NLK: variants seen among roughly 807,000 people sequenced by gnomAD.
NLK encodes the protein serine/threonine-protein kinase NLK.
In NLK, 11 loss-of-function variants were observed where a neutral mutation model predicts 59.0. That is an observed-to-expected ratio of 0.19 (90% CI 0.12 to 0.31). The LOEUF (loss-of-function observed/expected upper bound fraction) is 0.31. Among genes scored for constraint, NLK ranks in the 10% least tolerant of loss-of-function variants. NLK has a pLI of 1.00. For synonymous variants in NLK, 235 were observed against 235.9 expected, an observed-to-expected ratio of 1.00 and a Z score of 0.03; for missense variants, 410 against 661.1, an observed-to-expected ratio of 0.62 and a Z score of 4.16.
chr17:28,068,453 T>A (rs1328306929), intron 1 of NLK, among the ~76,000 whole-genome samples: 1 of 152,194 alleles, frequency 6.6e-6, no homozygotes, highest in Non-Finnish European at 1.5e-5. Context: ...AAAATGATAT[T>A]TGTTTTTAGG....
At chr17:28,164,965 C>T (rs1005137306) in intron 5 of NLK, among the ~76,000 whole-genome samples, 31 of 152,086 alleles carry the variant, frequency 2.0e-4, no homozygotes, top group African/African-American at 7.5e-4. Context: ...AACCCTCACC[C>T]TTATTTTAAC....
chr17:28,082,665 T>A (rs1317865633), intron 1 of NLK, among the ~76,000 whole-genome samples: 3 of 152,326 alleles, frequency 2.0e-5, no homozygotes, highest in Middle Eastern at 3.4e-3. Flanking sequence ...AAGAGCAGAA[T>A]TTAATGTTGA....
intron 6 of NLK, chr17:28,171,399 T>C (rs537053499): frequency 2.6e-5 from 4 of 152,322 alleles, no homozygotes; most frequent in Admixed American, 2.6e-4. Flanking sequence ...AATTAGGTTA[T>C]GAAGTTAGAA....
chr17:28,199,855 C>G (rs935080231), downstream of NLK, among the ~76,000 whole-genome samples: 1 of 152,020 alleles, frequency 6.6e-6, no homozygotes, highest in Non-Finnish European at 1.5e-5. Flanking sequence ...GATGGAAATA[C>G]AAAGAAATCA....
At chr17:28,181,968 C>A (rs1463407275) in intron 7 of NLK, among the ~76,000 whole-genome samples, 3 of 152,108 alleles carry the variant, frequency 2.0e-5, no homozygotes, top group African/African-American at 7.3e-5. Flanking sequence ...TGAGATCGCA[C>A]CATTGCGCTC....
chr17:28,057,363 G>A (rs539938305), intron 1 of NLK, among the ~76,000 whole-genome samples: 1 of 152,296 alleles, frequency 6.6e-6, no homozygotes, highest in East Asian at 1.9e-4. Context: ...TCAACTCACT[G>A]TTCCATGTAA....
chr17:28,074,474 C>CT (rs1436930839), intron 1 of NLK, among the ~76,000 whole-genome samples: 13 of 152,128 alleles, frequency 8.5e-5, no homozygotes, highest in African/African-American at 3.1e-4. Flanking sequence ...GAGAGGTTTC[C>CT]TAAATGACCT....
In NLK at chr17:28,111,869, TGTGTGTGTGTGTGTGTGTGTGTGTGTG is replaced by T. The variant is rs1385800845; in HGVS notation, c.459-10706_459-10680del. Reference sequence around the variant, plus strand: ...GCTAATAAGGCTTATACCGTGTGTGTGTGTGTGTGTGTGTGTGTGTGTGTGTGGTGTGTGTGTGTGTGTGTGTGTGTG... The same window carrying T: ...GCTAATAAGGCTTATACCGTGTGTGTGTGTGTGTGTGTGTGTGTGTGTGTG... On this transcript the variant is annotated intron_variant, in intron 1 of 10. Coordinates refer to ENST00000407008, the MANE Select transcript of NLK (RefSeq NM_016231.5). 3.2e-4 allele frequency among the ~76,000 whole-genome samples: 39 copies of T among 121,480 alleles called. No individual in the cohort carries two copies. In the East Asian group the frequency reaches 8.7e-3, roughly 27 times the overall value. The allele number at this position is 121,480 out of a possible 152,430, so 79.7% of individuals were successfully genotyped here.
intron 1 of NLK, among the ~76,000 whole-genome samples, chr17:28,098,513 C>T (rs187226211): frequency 1.4e-3 from 212 of 152,164 alleles, no homozygotes; most frequent in African/African-American, 4.5e-3. Context: ...AGAAAACTGA[C>T]ATTGAGTACG....
chr17:28,177,166 G>A (rs1325822411), intron 7 of NLK, among the ~76,000 whole-genome samples: 3 of 152,108 alleles, frequency 2.0e-5, no homozygotes, highest in Non-Finnish European at 4.4e-5. Context: ...AGAGGCGAAA[G>A]TGGTGGAGGA....
chr17:28,178,494 A>G (rs938849578), intron 7 of NLK, among the ~76,000 whole-genome samples: 3 of 152,230 alleles, frequency 2.0e-5, no homozygotes, highest in African/African-American at 7.2e-5. Flanking sequence ...CCACGTATCT[A>G]TTAAAGAAGA....
chr17:28,205,368 GA>G, the NLK span, among the ~76,000 whole-genome samples: 1 of 152,162 alleles, frequency 6.6e-6, no homozygotes, highest in Admixed American at 6.6e-5. Flanking sequence ...TGTGGATCAG[GA>G]ACTCAGCAGA....
At position 28,172,531 on chromosome 17, in the gene NLK, G is replaced by A. The variant is rs376443057; in HGVS notation, c.1062G>A (p.Thr354=). Reference sequence around the variant, plus strand: ...TTTCCTTGTAGTTGGATTTGATCACGGATCTGTTGGGCACACCATCACTGG... The same window carrying A: ...TTTCCTTGTAGTTGGATTTGATCACAGATCTGTTGGGCACACCATCACTGG... ...QSPIQQLDLI[T]DLLGTPSLEA... Residue 354 remains threonine, a synonymous_variant, in exon 7 of 11, where the codon ACG becomes ACA. Transcript: ENST00000407008. The A allele has an allele frequency of 3.7e-5, 59 of 1,576,060 alleles. No homozygotes were observed. The highest frequency in any genetic ancestry group is 2.6e-4 in the South Asian group (22 of 85,012).
intron 1 of NLK, among the ~76,000 whole-genome samples, chr17:28,080,338 G>A (rs924432327): frequency 2.0e-5 from 3 of 152,022 alleles, no homozygotes; most frequent in African/African-American, 7.2e-5. Context: ...CCAGCACTTT[G>A]GGAGGTTGAA....
rs745934337 is a variant in NLK, at chr17:28,194,578, C to T, written c.1530-4C>T. On this transcript the variant is annotated splice_polypyrimidine_tract_variant and splice_region_variant and intron_variant, in intron 10 of 10. Transcript: ENST00000407008. ...CTAATTTCTCCATCTCTGTTTTCTT[C>T]CAGTTCCACTGTTGCTCAGCCATCT... is the stretch of plus-strand genomic sequence containing the variant. 1 of 1,592,504 alleles carries T rather than the reference C, an allele frequency of 6.3e-7. No homozygotes were observed. Among genetic ancestry groups the T allele is most frequent in the East Asian group, 2.2e-5 (1 of 44,572 alleles).
chr17:28,149,146 G>A (rs955848816), intron 3 of NLK, among the ~76,000 whole-genome samples: 37 of 152,088 alleles, frequency 2.4e-4, no homozygotes, highest in East Asian at 5.8e-4. Flanking sequence ...CTGCAGCCTC[G>A]AACTCCTGGG....
intron 3 of NLK, among the ~76,000 whole-genome samples, chr17:28,159,750 A>G (rs1337830992): frequency 6.6e-6 from 1 of 152,208 alleles, no homozygotes; most frequent in Non-Finnish European, 1.5e-5. Context: ...AAATGTCAGT[A>G]TATAGGCAAA....
chr17:28,153,537 A>G (rs1907575121), intron 3 of NLK, among the ~76,000 whole-genome samples: 1 of 152,210 alleles, frequency 6.6e-6, no homozygotes, highest in Non-Finnish European at 1.5e-5. Flanking sequence ...TCATGACCTA[A>G]TCACCTCCCA....
intron 1 of NLK, among the ~76,000 whole-genome samples, chr17:28,088,813 T>C (rs1011672180): frequency 1.3e-5 from 2 of 152,170 alleles, no homozygotes; most frequent in Non-Finnish European, 2.9e-5. Context: ...CTAGAGGTAC[T>C]CATCGCTTGG....
Sources: allele counts gnomAD v4.1 joint callset (sites outside exome capture counted in the v4.1 genomes callset), GRCh38; gene constraint gnomAD v4.1.1; transcripts MANE v1.5; gene names NCBI Gene and HGNC (gene_info 2026-07-23, HGNC 2026-07-21).